The following SLC38A10 variants were observed in gnomAD, a reference collection of about 807,000 sequenced individuals.
SLC38A10 encodes the protein solute carrier family 38 member 10, also known as Sodium-coupled neutral amino acid transporter 10.
Under a neutral mutation model 81.0 loss-of-function variants are expected in SLC38A10, and 53 were observed. The observed-to-expected ratio is 0.65, with a 90% CI of 0.53 to 0.82. The LOEUF is 0.82. SLC38A10 is among the 40% of genes least tolerant of loss of function. The pLI is 0.00. For synonymous variants in SLC38A10, 665 were observed against 655.3 expected, an observed-to-expected ratio of 1.01 and a Z score of -0.23; for missense variants, 1,471 against 1,545.0, an observed-to-expected ratio of 0.95 and a Z score of 0.80.
chr17:81,256,322 T>C (rs985110261), intron 11 of SLC38A10, among the ~76,000 whole-genome samples: 2 of 152,030 alleles, frequency 1.3e-5, no homozygotes, highest in Non-Finnish European at 2.9e-5. Flanking sequence ...AGGGGCAACA[T>C]CTAATGCATC....
In SLC38A10 at chr17:81,252,357, C is replaced by A; in HGVS notation, c.1783G>T (p.Asp595Tyr). ...AGGCCCCTGTCTCCTGGCCCCAGGT[C>A]CTCCTTTGCAGGCTGGACAGCTGGC... ...GQPAVQPAKE[D>Y]LGPGDRGLHP... The change falls in exon 13 of 16, where the codon GAC becomes TAC. Residue 595 changes from aspartate (D) to tyrosine (Y), a missense_variant. Asp to Tyr is a radical substitution (Grantham distance 160). Around this residue, in one of 2 missense-constraint regions of SLC38A10, gnomAD observed 720 missense variants for 827.7 expected, o/e 0.87. Transcript: ENST00000374759. 1 of 1,613,172 alleles carries A rather than the reference C, an allele frequency of 6.2e-7. No homozygotes were observed. The highest frequency in any genetic ancestry group is 1.7e-5 in the Admixed American group (1 of 60,020).
Position 81,253,748 on chromosome 17 carries a change from C to CCAT in SLC38A10, c.1289-511_1289-509dup, listed in dbSNP as rs1157762654. On this transcript the variant is annotated intron_variant, in intron 11 of 15. Transcript: ENST00000374759. This position sits in a 1 kb window ranked among gnomAD's most constrained non-coding sequence, Gnocchi z 4.1. ...ACCATCTCCATCCCTACCACCATCA[C>CCAT]CATCATCATCACCGTCACCATCATC... Among the ~76,000 whole-genome samples, 2 of 90,462 alleles carry CCAT rather than the reference C, an allele frequency of 2.2e-5. No homozygotes were observed. The highest frequency in any genetic ancestry group is 4.2e-4 in the East Asian group (2 of 4,718). The allele number at this position is 90,462 out of a possible 152,430, so 59.3% of individuals were successfully genotyped here. A position where few individuals can be genotyped will look rare whatever the true frequency, so the allele number is the denominator to read the frequency against.
At chr17:81,284,673 T>C (rs377721040) in intron 3 of SLC38A10, among the ~76,000 whole-genome samples, 177 bp downstream of exon 3, 1 of 152,138 alleles carries the variant, frequency 6.6e-6, no homozygotes, top group Non-Finnish European at 1.5e-5. Flanking sequence ...TTTCCATACA[T>C]AAATTTTTCT....
At chr17:81,294,135 A>G (rs2063330666) in intron 1 of SLC38A10, among the ~76,000 whole-genome samples, 1 of 152,086 alleles carries the variant, frequency 6.6e-6, no homozygotes, top group Non-Finnish European at 1.5e-5. Flanking sequence ...GGTTCAAGCT[A>G]TTCTCCTGTC....
At chr17:81,287,552 T>C (rs1446880264) in intron 2 of SLC38A10, among the ~76,000 whole-genome samples, 2 of 152,208 alleles carry the variant, frequency 1.3e-5, no homozygotes, top group Non-Finnish European at 2.9e-5. Context: ...GCTCACGCAG[T>C]GGAACCACCG....
rs759179144 is a variant in SLC38A10 at position 81,250,046 on chromosome 17, C to T, written c.2065+1447G>A. ...GGCCCGCCAGACAGGCTCTTGACTT[C>T]AGCACACTCCTTTGGGTTCGTACCT... On this transcript the variant is annotated intron_variant, in intron 14 of 15. Transcript: ENST00000374759. The T allele has an allele frequency of 7.5e-5, 96 of 1,288,050 alleles. No homozygotes were observed. In the South Asian group the frequency reaches 1.1e-3, roughly 14 times the overall value. 79.8% of individuals were successfully genotyped at this position (1,288,050 alleles called of 1,614,324 possible).
At chr17:81,259,938 C>T (rs1567931332) in intron 11 of SLC38A10, among the ~76,000 whole-genome samples, 1 of 152,216 alleles carries the variant, frequency 6.6e-6, no homozygotes, top group African/African-American at 2.4e-5. Flanking sequence ...CACTCAGAAA[C>T]GTACACCCCA....
intron 14 of SLC38A10, among the ~76,000 whole-genome samples, chr17:81,249,499 G>A (rs1661411716): frequency 8.6e-6 from 1 of 116,036 alleles, no homozygotes; most frequent in Non-Finnish European, 1.8e-5. Flanking sequence ...AGAGGAGGGA[G>A]AAGGAGGGAG....
chr17:81,273,665 G>C lies in SLC38A10; in HGVS notation c.913-1038C>G, dbSNP rs137875519. Among the ~76,000 whole-genome samples the C allele has an allele frequency of 6.0e-3, 918 of 152,194 alleles. 8 individuals are homozygous for C. Among genetic ancestry groups the C allele is most frequent in the African/African-American group, 0.021 (869 of 41,560 alleles). On this transcript the variant is annotated intron_variant, in intron 8 of 15. Coordinates refer to ENST00000374759, the MANE Select transcript of SLC38A10 (RefSeq NM_001037984.3). The stretch of plus-strand genomic sequence containing the variant: ...TAATTTGTATACAGGCCATGGAGGT[G>C]GGGGGTTAGGTCCATCACACAAGAG...
rs142199472 is a variant in SLC38A10, at chr17:81,274,648, C to T, written c.912+1321G>A. On this transcript the variant is annotated intron_variant, in intron 8 of 15. Coordinates refer to ENST00000374759, the MANE Select transcript of SLC38A10 (RefSeq NM_001037984.3). The stretch of plus-strand genomic sequence containing the variant: ...GGGCTCCTCCAGCACTGCAGAGTGG[C>T]GTCTGCACCCCCATGCTCGGAGCGC... 1.9e-3 allele frequency among the ~76,000 whole-genome samples: 295 copies of T among 152,308 alleles called. 4 individuals are homozygous for T. In the East Asian group the frequency reaches 0.026, roughly 14 times the overall value.
At chr17:81,278,703 C>T (rs189562043) in intron 6 of SLC38A10, among the ~76,000 whole-genome samples, 9 of 152,322 alleles carry the variant, frequency 5.9e-5, no homozygotes, top group Admixed American at 5.9e-4. Context: ...CAGTGCTAAA[C>T]TGTCCTCTCG....
chr17:81,271,067 T>A (rs1261700009), intron 9 of SLC38A10, 43 bp from the exon 10 acceptor site: 2 of 1,542,840 alleles, frequency 1.3e-6, no homozygotes, highest in Non-Finnish European at 1.8e-6. Context: ...GGGGAAGGGC[T>A]CTGGGAAGGA....
At chr17:81,272,495 A>T (rs200137028) in intron 9 of SLC38A10, 21 bp downstream of exon 9, 2 of 1,544,106 alleles carry the variant, frequency 1.3e-6, no homozygotes, top group East Asian at 4.8e-5. Context: ...CCCCGGCAAC[A>T]GGGCAGCCCT....
chr17:81,252,496 C>T lies in SLC38A10; in HGVS notation c.1644G>A (p.Glu548=). ...MAPPLPDSER[E]KQEPEQGEVG... ...CCTCTCCCTGCTCCGGCTCTTGTTT[C>T]TCTCTTTCTGAGTCGGGCAGAGGCG... Residue 548 remains glutamate, a synonymous_variant, in exon 13 of 16, where the codon GAG becomes GAA. Coordinates refer to ENST00000374759, the MANE Select transcript of SLC38A10 (RefSeq NM_001037984.3). 1.2e-6 allele frequency: 2 copies of T among 1,613,452 alleles called. No individual in the cohort carries two copies. The highest frequency in any genetic ancestry group is 1.1e-5 in the South Asian group (1 of 91,082).
chr17:81,272,614 G>A lies in SLC38A10; in HGVS notation c.926C>T (p.Thr309Ile), dbSNP rs1460255204. The change falls in exon 9 of 16, where the codon ACC (threonine) becomes ATC (isoleucine). Residue 309 changes from threonine (T) to isoleucine (I), a missense_variant. By Grantham distance (89) the Thr-to-Ile change is moderately conservative. Coordinates refer to ENST00000374759, the MANE Select transcript of SLC38A10 (RefSeq NM_001037984.3). ...LLCEQQQKDGTFAAGGYMPPL... is the reference protein window; with the variant it reads ...LLCEQQQKDGIFAAGGYMPPL... ...GGGCATGTAGCCCCCTGCTGCAAAG[G>A]TGCCATCTTTTTGCTGTACAAAAGA... 6.5e-7 allele frequency: 1 copy of A among 1,549,298 alleles called. No individual in the cohort carries two copies. Among genetic ancestry groups the A allele is most frequent in the African/African-American group, 1.4e-5 (1 of 70,860 alleles).
chr17:81,294,785 G>T (rs746532414), intron 1 of SLC38A10, 38 bp downstream of exon 1: 4 of 1,525,552 alleles, frequency 2.6e-6, no homozygotes, highest in South Asian at 1.2e-5. Flanking sequence ...CTCTGCGGGG[G>T]AGGCGAGGGC....
rs1389291210 is a variant in SLC38A10 at position 81,288,611 on chromosome 17, A to G, written c.217+1080T>C. ...CCCTCGAAGACAAACAACGTAGAAA[A>G]TATTCCACACTGAAATGAAGCAGAA... is the stretch of plus-strand genomic sequence containing the variant. On this transcript the variant is annotated intron_variant, in intron 2 of 15. Transcript: ENST00000374759. This position sits in a 1 kb window ranked among gnomAD's most constrained non-coding sequence, Gnocchi z 5.4. The G allele has an allele frequency of 6.6e-6, 1 of 152,336 alleles. No homozygotes were observed. The highest frequency in any genetic ancestry group is 1.5e-5 in the Non-Finnish European group (1 of 68,110). The allele number at this position is 152,336 out of a possible 1,614,324, so 9.4% of individuals were successfully genotyped here.
In SLC38A10 at chr17:81,253,021, G is replaced by C; in HGVS notation, c.1456+52C>G. The C allele has an allele frequency of 6.3e-7, 1 of 1,593,408 alleles. No individual in the cohort carries two copies. Among genetic ancestry groups the C allele is most frequent in the East Asian group, 2.2e-5 (1 of 44,644 alleles). On this transcript the variant is annotated intron_variant, in intron 12 of 15. Coordinates refer to ENST00000374759, the MANE Select transcript of SLC38A10 (RefSeq NM_001037984.3). This position sits in a 1 kb window ranked among gnomAD's most constrained non-coding sequence, Gnocchi z 4.1. ...CCCGCAGGGTGTCCAGCCTGCAAAG[G>C]AGGACCCGGGGCCGCCCTTCCCCAT... is the stretch of plus-strand genomic sequence containing the variant.
chr17:81,280,827 AG>A, intron 5 of SLC38A10, 94 bp from the exon 6 acceptor site: 1 of 1,483,882 alleles, frequency 6.7e-7, no homozygotes. Flanking sequence ...GAGTGGCAGG[AG>A]AGTGCAGCTC....
Sources: gnomAD v4.1 joint callset for allele counts (sites outside exome capture counted in the v4.1 genomes callset) on GRCh38, gnomAD v4.1.1 for gene constraint, gnomAD v4.1.1 regional missense constraint, Gnocchi (gnomAD v3.1) non-coding constraint, MANE v1.5 for transcripts, NCBI Gene and HGNC (gene_info 2026-07-23, HGNC 2026-07-21) for gene names.